AP2A1: variants seen among roughly 807,000 people sequenced by gnomAD.
AP2A1 encodes the protein AP-2 complex subunit alpha-1.
In AP2A1, 21 loss-of-function variants were observed where a neutral mutation model predicts 107.3. The ratio of observed to expected loss-of-function variants is 0.20; its 90% CI spans 0.14 to 0.28. AP2A1 has a LOEUF of 0.28. Ranked by LOEUF, AP2A1 falls within the 10% of genes least tolerant of loss-of-function variation. AP2A1 has a pLI of 1.00. For synonymous variants in AP2A1, 602 were observed against 564.8 expected, an observed-to-expected ratio of 1.07 and a Z score of -0.93; for missense variants, 873 against 1,307.7, an observed-to-expected ratio of 0.67 and a Z score of 5.13.
chr19:49,804,162 G>C (rs927823302), intron 18 of AP2A1: 1 of 152,296 alleles, frequency 6.6e-6, no homozygotes, highest in Non-Finnish European at 1.5e-5. Context: ...CTTGAGCCTG[G>C]GAGGTGGTGG....
In AP2A1 at chr19:49,805,857, C is replaced by T. The variant is rs1568591107; in HGVS notation, c.2586-15C>T. The T allele has an allele frequency of 1.2e-6, 2 of 1,613,506 alleles. No homozygotes were observed. Among genetic ancestry groups the T allele is most frequent in the African/African-American group, 1.3e-5 (1 of 74,896 alleles). On this transcript the variant is annotated splice_polypyrimidine_tract_variant and intron_variant, in intron 20 of 22. Transcript: ENST00000354293. Reference sequence around the variant, plus strand: ...GGCCGTCCAGGTCCCTGACTTGAACCTTCCCGGTCCCCAGCCCTCAACAGG... The same window carrying T: ...GGCCGTCCAGGTCCCTGACTTGAACTTTCCCGGTCCCCAGCCCTCAACAGG...
chr19:49,778,092 T>C (rs2084635362), intron 1 of AP2A1, among the ~76,000 whole-genome samples: 1 of 152,156 alleles, frequency 6.6e-6, no homozygotes, highest in Admixed American at 6.6e-5. Context: ...CACATATTTG[T>C]GTATATATTT....
chr19:49,800,488 C>A (rs1269362547), intron 11 of AP2A1, among the ~76,000 whole-genome samples: 1 of 152,168 alleles, frequency 6.6e-6, no homozygotes, highest in Non-Finnish European at 1.5e-5. Context: ...GACGGAGTCT[C>A]ACTCTGTTGC....
At chr19:49,792,951 T>A in intron 5 of AP2A1, 40 bp from the exon 6 acceptor site, 1 of 1,530,196 alleles carries the variant, frequency 6.5e-7, no homozygotes, top group Non-Finnish European at 8.9e-7. Flanking sequence ...AGGTACCACC[T>A]CCCCCAGGGG....
chr19:49,782,488 C>T (rs1180951874), intron 3 of AP2A1, 43 bp from the exon 4 acceptor site: 2 of 1,583,656 alleles, frequency 1.3e-6, no homozygotes, highest in Non-Finnish European at 1.7e-6. Context: ...TGGGGCCACT[C>T]AGTCACAAGG....
intron 4 of AP2A1, among the ~76,000 whole-genome samples, chr19:49,787,794 C>G (rs939609951): frequency 1.3e-5 from 2 of 152,154 alleles, no homozygotes; most frequent in Non-Finnish European, 2.9e-5. Flanking sequence ...ATTCCCTCTT[C>G]CCCCCAGCCC....
Position 49,806,262 on chromosome 19 carries a change from T to A in AP2A1, c.2790+9T>A. On this transcript the variant is annotated intron_variant, in intron 22 of 22. Transcript: ENST00000354293. ...CCAATGCCCAGGCCCAGGTGAGTGC[T>A]GCTGTGGGAGGCCTGAGGCCGGCAG... The A allele has an allele frequency of 6.3e-7, 1 of 1,595,094 alleles. No homozygotes were observed. Among genetic ancestry groups the A allele is most frequent in the Non-Finnish European group, 8.5e-7 (1 of 1,170,252 alleles).
At position 49,801,513 on chromosome 19, in the gene AP2A1, C is replaced by T; in HGVS notation, c.1677C>T (p.Ile559=). 6.2e-7 allele frequency: 1 copy of T among 1,613,774 alleles called. No homozygotes were observed. The highest frequency in any genetic ancestry group is 8.5e-7 in the Non-Finnish European group (1 of 1,179,848). The change falls in exon 13 of 23, where the codon ATC becomes ATT. Residue 559 remains isoleucine, a synonymous_variant. Coordinates refer to ENST00000354293, the MANE Select transcript of AP2A1 (RefSeq NM_130787.3). ...TCTTCCCCGAGACCAAGGCCACCAT[C>T]CAGGGCGTCCTGCGGGCCGGCTCCC... ...INLFPETKAT[I]QGVLRAGSQL...
intron 1 of AP2A1, among the ~76,000 whole-genome samples, chr19:49,770,026 G>T (rs1388111117): frequency 6.6e-6 from 1 of 152,060 alleles, no homozygotes; most frequent in Non-Finnish European, 1.5e-5. Context: ...CCGCCACCAC[G>T]CTTGGCTAAT....
intron 1 of AP2A1, among the ~76,000 whole-genome samples, chr19:49,779,090 A>T (rs1225526825): frequency 1.3e-5 from 2 of 151,610 alleles, no homozygotes. Flanking sequence ...TAATCCCAAC[A>T]CTTTGAGAGG....
intron 4 of AP2A1, among the ~76,000 whole-genome samples, chr19:49,786,939 A>G (rs2084744458): frequency 6.6e-6 from 1 of 152,144 alleles, no homozygotes; most frequent in South Asian, 2.1e-4. Flanking sequence ...TGCCCCCTCC[A>G]CACTGGAAAC....
At chr19:49,779,406 CT>C (rs2123682440) in intron 1 of AP2A1, among the ~76,000 whole-genome samples, 1 of 135,036 alleles carries the variant, frequency 7.4e-6, no homozygotes, top group South Asian at 2.3e-4. Context: ...ACTTTGGAGG[CT>C]GAGGCACAAG....
At position 49,781,935 on chromosome 19, in the gene AP2A1, C is replaced by A; in HGVS notation, c.137-12C>A. On this transcript the variant is annotated splice_polypyrimidine_tract_variant and intron_variant, in intron 2 of 22. Transcript: ENST00000354293. Reference sequence around the variant, plus strand: ...TATTTCTGGCTCCCCTTTCCTCCTTCCTCTGCCCTAGGAGACAAAGCCTTG... The same window carrying A: ...TATTTCTGGCTCCCCTTTCCTCCTTACTCTGCCCTAGGAGACAAAGCCTTG... 1 of 1,610,426 alleles carries A rather than the reference C, an allele frequency of 6.2e-7. No individual in the cohort carries two copies.
intron 4 of AP2A1, among the ~76,000 whole-genome samples, chr19:49,787,948 A>G (rs1210009964): frequency 6.6e-6 from 1 of 152,012 alleles, no homozygotes; most frequent in Non-Finnish European, 1.5e-5. Context: ...ATTGTGGTGC[A>G]TATCCGTGAT....
At chr19:49,799,007 G>A in intron 8 of AP2A1, 55 bp downstream of exon 8, 1 of 1,547,010 alleles carries the variant, frequency 6.5e-7, no homozygotes, top group Non-Finnish European at 8.7e-7. Flanking sequence ...AGAGGGGCAT[G>A]GAGGCCCGGA....
intron 6 of AP2A1, among the ~76,000 whole-genome samples, chr19:49,793,675 A>G (rs1382266437): frequency 6.6e-6 from 1 of 152,076 alleles, no homozygotes; most frequent in Non-Finnish European, 1.5e-5. Flanking sequence ...TGACTCAGTC[A>G]CAGATTGTCA....
intron 6 of AP2A1, among the ~76,000 whole-genome samples, chr19:49,793,726 C>A (rs1384467388): frequency 6.6e-6 from 1 of 151,972 alleles, no homozygotes; most frequent in Non-Finnish European, 1.5e-5. Context: ...TAGGATAGGT[C>A]ACCCATAGGA....
rs559670358 is a variant in AP2A1, at chr19:49,777,964, A to G, written c.68-3793A>G. Among the ~76,000 whole-genome samples the G allele has an allele frequency of 1.1e-3, 163 of 152,126 alleles. 1 individual carries two copies. The highest frequency in any genetic ancestry group is 3.8e-3 in the African/African-American group (157 of 41,516). On this transcript the variant is annotated intron_variant, in intron 1 of 22. Coordinates refer to ENST00000354293, the MANE Select transcript of AP2A1 (RefSeq NM_130787.3). Reference sequence around the variant, plus strand: ...AGGAAATCTATATATTATAGATATAATAATATGTATTTCTTTAAATGAATA... The same window carrying G: ...AGGAAATCTATATATTATAGATATAGTAATATGTATTTCTTTAAATGAATA...
Position 49,789,347 on chromosome 19 carries a change from A to G in AP2A1, c.474-2588A>G, listed in dbSNP as rs529394861. ...ACTCTGTCTCCCAGGTTGAAGTGCA[A>G]TGGTGAGATCTCAGCTCACTGCAAC... On this transcript the variant is annotated intron_variant, in intron 4 of 22. Transcript: ENST00000354293. Among the ~76,000 whole-genome samples, 15 of 152,170 alleles carry G rather than the reference A, an allele frequency of 9.9e-5. No homozygotes were observed. In the South Asian group the frequency reaches 3.1e-3, roughly 32 times the overall value.
Sources: gnomAD v4.1 joint callset for allele counts (sites outside exome capture counted in the v4.1 genomes callset) on GRCh38, gnomAD v4.1.1 for gene constraint, MANE v1.5 for transcripts, NCBI Gene and HGNC (gene_info 2026-07-23, HGNC 2026-07-21) for gene names.